Variants in DACH2 observed in about 807,000 individuals in gnomAD.
The protein encoded by DACH2 is dachshund homolog 2.
In DACH2, 17 loss-of-function variants were observed where a neutral mutation model predicts 35.8. The ratio of observed to expected loss-of-function variants is 0.48; its 90% confidence interval spans 0.33 to 0.71. DACH2 has a LOEUF of 0.71. DACH2 is among the 30% of genes least tolerant of loss of function. DACH2 has a pLI of 0.02. For missense variants in DACH2, 469 were observed against 472.7 expected, an observed-to-expected ratio of 0.99 and a Z score of 0.07; for synonymous variants, 195 against 177.3, an observed-to-expected ratio of 1.10 and a Z score of -0.79.
chrX:86,314,123 G>A (rs1020517982), intron 1 of DACH2, among the ~76,000 whole-genome samples: 1 of 109,921 alleles, frequency 9.1e-6, no homozygotes, highest in African/African-American at 3.3e-5. Flanking sequence ...CCTATTCCCT[G>A]AGGCACAACA....
At chrX:86,621,692 A>G (rs1394999223) in intron 3 of DACH2, among the ~76,000 whole-genome samples, 1 of 111,731 alleles carries the variant, frequency 9.0e-6, no homozygotes. Flanking sequence ...TAATTGGCAT[A>G]ATAGTTCTTG....
chrX:86,412,564 T>G (rs918230996), intron 2 of DACH2, among the ~76,000 whole-genome samples: 3 of 111,702 alleles, frequency 2.7e-5, no homozygotes, highest in African/African-American at 9.8e-5. Context: ...ATGAGCCCAC[T>G]CCCACAATTC....
intron 6 of DACH2, among the ~76,000 whole-genome samples, chrX:86,717,809 C>T (rs2041355294): frequency 9.7e-6 from 1 of 103,296 alleles, no homozygotes; most frequent in Non-Finnish European, 2.0e-5. Flanking sequence ...TAATGGAATA[C>T]TATGATCCTA....
intron 3 of DACH2, among the ~76,000 whole-genome samples, chrX:86,583,608 T>A (rs1019700401): frequency 2.0e-4 from 22 of 110,369 alleles, no homozygotes; most frequent in Admixed American, 7.8e-4. Flanking sequence ...TGTTTTTTTT[T>A]AAACCATACT....
chrX:86,266,504 T>TA (rs1363761096), intron 1 of DACH2, among the ~76,000 whole-genome samples: 2 of 112,153 alleles, frequency 1.8e-5, no homozygotes, highest in African/African-American at 6.5e-5. Context: ...TGGCAACTGA[T>TA]ACTGTCAAAG....
chrX:86,800,232 G>A (rs2042278887), intron 7 of DACH2, among the ~76,000 whole-genome samples: 1 of 111,865 alleles, frequency 8.9e-6, no homozygotes, highest in African/African-American at 3.3e-5. Context: ...TCAATTTATA[G>A]CACTTTGATT....
intron 1 of DACH2, among the ~76,000 whole-genome samples, chrX:86,214,998 C>T (rs1356404459): frequency 9.0e-6 from 1 of 111,527 alleles, no homozygotes; most frequent in Non-Finnish European, 1.9e-5. Context: ...GTATAAGGTG[C>T]AGAGGGCGAG....
intron 1 of DACH2, among the ~76,000 whole-genome samples, chrX:86,181,154 G>GTCTA (rs370859606): frequency 0.16 from 16,191 of 101,353 alleles, 1,074 homozygotes; most frequent in African/African-American, 0.21. Flanking sequence ...ATGTCTGACT[G>GTCTA]TCTATCTATC....
chrX:86,821,166 T>C (rs2042508172), intron 11 of DACH2, among the ~76,000 whole-genome samples: 1 of 110,902 alleles, frequency 9.0e-6, no homozygotes, highest in Non-Finnish European at 1.9e-5. Flanking sequence ...TACCCTAAAC[T>C]CACCAACCAT....
chrX:86,409,522 TAA>T (rs780685396), intron 2 of DACH2, among the ~76,000 whole-genome samples: 1 of 110,729 alleles, frequency 9.0e-6, no homozygotes, highest in Non-Finnish European at 1.9e-5. Flanking sequence ...TCTGGTCATT[TAA>T]AAGTGTGTGG....
chrX:86,507,232 A>G (rs2038336252), intron 2 of DACH2, among the ~76,000 whole-genome samples: 1 of 111,026 alleles, frequency 9.0e-6, no homozygotes, highest in Admixed American at 9.6e-5. Context: ...ATGCTGCTGC[A>G]TTTTCTGATT....
intron 1 of DACH2, among the ~76,000 whole-genome samples, chrX:86,315,217 G>T (rs2034875129): frequency 8.9e-6 from 1 of 112,114 alleles, no homozygotes; most frequent in African/African-American, 3.2e-5. Flanking sequence ...CCTGTGCTAT[G>T]CAAATGGCAC....
At chrX:86,729,734 C>T (rs1195462561) in intron 6 of DACH2, among the ~76,000 whole-genome samples, 1 of 111,386 alleles carries the variant, frequency 9.0e-6, no homozygotes, top group African/African-American at 3.3e-5. Flanking sequence ...TCTGAGTTCA[C>T]ATGAGATCTG....
chrX:86,630,248 A>G (rs1386225828), intron 3 of DACH2, among the ~76,000 whole-genome samples: 2 of 110,505 alleles, frequency 1.8e-5, no homozygotes, highest in Non-Finnish European at 3.8e-5. Context: ...TTAAACCCCA[A>G]TTTCAAGATT....
chrX:86,659,025 G>C (rs935911111), intron 4 of DACH2, among the ~76,000 whole-genome samples: 2 of 111,101 alleles, frequency 1.8e-5, no homozygotes, highest in African/African-American at 6.5e-5. Flanking sequence ...AGTGTATATG[G>C]TTGATTAACT....
At chrX:86,622,999 C>T (rs1422063322) in intron 3 of DACH2, among the ~76,000 whole-genome samples, 2 of 111,646 alleles carry the variant, frequency 1.8e-5, no homozygotes, top group African/African-American at 3.3e-5. Context: ...CTTTATATCA[C>T]CTTTACTAAA....
chrX:86,347,512 A>T (rs375146888), intron 1 of DACH2, among the ~76,000 whole-genome samples: 1 of 112,853 alleles, frequency 8.9e-6, no homozygotes, highest in East Asian at 2.8e-4. Context: ...TAAAGTTTAC[A>T]AGTTGATTCT....
At chrX:86,283,443 G>A (rs575681998) in intron 1 of DACH2, among the ~76,000 whole-genome samples, 5 of 111,270 alleles carry the variant, frequency 4.5e-5, no homozygotes, top group South Asian at 3.8e-4. Context: ...GTTTATTGCA[G>A]CACTGTTCAC....
intron 2 of DACH2, among the ~76,000 whole-genome samples, chrX:86,439,923 G>T (rs1205448726): frequency 9.0e-6 from 1 of 111,124 alleles, no homozygotes; most frequent in African/African-American, 3.3e-5. Context: ...TATTCTGGGG[G>T]TTTCTAGCTA....
Sources: gnomAD v4.1 joint callset for allele counts (sites outside exome capture counted in the v4.1 genomes callset) on GRCh38, gnomAD v4.1.1 for gene constraint, MANE v1.5 for transcripts, NCBI Gene and HGNC (gene_info 2026-07-23, HGNC 2026-07-21) for gene names.